CHERP: variants seen among roughly 807,000 people sequenced by gnomAD.
CHERP encodes the protein ERPROT 213-21.
Under a neutral mutation model 113.8 loss-of-function variants are expected in CHERP, and 8 were observed. The observed-to-expected ratio is 0.07, with a 90% CI of 0.04 to 0.13. The LOEUF is 0.13. CHERP is among the 10% of genes least tolerant of loss of function. The pLI is 1.00. For synonymous variants in CHERP, 559 were observed against 524.5 expected, an observed-to-expected ratio of 1.07 and a Z score of -0.90; for missense variants, 884 against 1,298.2, an observed-to-expected ratio of 0.68 and a Z score of 4.90.
At chr19:16,536,644 G>C (rs1377697833) in intron 2 of CHERP, among the ~76,000 whole-genome samples, 1 of 152,198 alleles carries the variant, frequency 6.6e-6, no homozygotes, top group African/African-American at 2.4e-5. Context: ...CACTGTCTGA[G>C]GGACACTGCT....
Position 16,519,151 on chromosome 19 carries a change from A to G in CHERP, c.*8T>C. On this transcript the variant is annotated 3_prime_UTR_variant, in exon 17 of 17. Coordinates refer to ENST00000546361, the MANE Select transcript of CHERP (RefSeq NM_006387.6). This position sits in a 1 kb window ranked among gnomAD's most constrained non-coding sequence, Gnocchi z 6.0. ...GCTGGCCACCGGCGCGGCTCCCGGC[A>G]TGGGCGCCTACTTACACTCGTCCCT... 6.2e-7 allele frequency: 1 copy of G among 1,610,444 alleles called. No individual in the cohort carries two copies.
chr19:16,518,504 C>T lies in CHERP; in HGVS notation c.*655G>A, dbSNP rs1297421274. ...ATAACTGAACTAAGGGCCAGTACGC[C>T]TTCGAAGAATTAGGTTTCAGAATCT... On this transcript the variant is annotated 3_prime_UTR_variant, in exon 17 of 17. Transcript: ENST00000546361. The T allele has an allele frequency of 6.6e-6, 1 of 152,220 alleles. No individual in the cohort carries two copies. The highest frequency in any genetic ancestry group is 1.9e-4 in the East Asian group (1 of 5,190). 9.4% of individuals were successfully genotyped at this position (152,220 alleles called of 1,614,324 possible).
intron 11 of CHERP, among the ~76,000 whole-genome samples, chr19:16,522,476 G>C (rs916471227): frequency 2.0e-5 from 3 of 152,134 alleles, no homozygotes; most frequent in Admixed American, 1.3e-4. Context: ...AGCCAGGATG[G>C]TCTCGATCTC....
At chr19:16,539,820 G>C (rs2085765922) in intron 2 of CHERP, 1 of 152,308 alleles carries the variant, frequency 6.6e-6, no homozygotes, top group Non-Finnish European at 1.5e-5. Context: ...CCCTTAGACA[G>C]TCGAGTGGTC....
chr19:16,519,042 C>T lies in CHERP; in HGVS notation c.*117G>A, dbSNP rs537190326. On this transcript the variant is annotated 3_prime_UTR_variant, in exon 17 of 17. Transcript: ENST00000546361. This position sits in a 1 kb window ranked among gnomAD's most constrained non-coding sequence, Gnocchi z 6.0. Reference sequence around the variant, plus strand: ...GTCTTCCTTCTCTTCCTGTGGCTCTCCACAAGTGGAGACGGTGTAAGAACT... The same window carrying T: ...GTCTTCCTTCTCTTCCTGTGGCTCTTCACAAGTGGAGACGGTGTAAGAACT... 2.2e-5 allele frequency: 21 copies of T among 955,070 alleles called. No individual in the cohort carries two copies. The African/African-American group carries it at 3.1e-4, about 14-fold the overall frequency. The allele number at this position is 955,070 out of a possible 1,614,324, so 59.2% of individuals were successfully genotyped here. A position where few individuals can be genotyped will look rare whatever the true frequency, so the allele number is the denominator to read the frequency against.
intron 2 of CHERP, among the ~76,000 whole-genome samples, chr19:16,538,455 T>C (rs1280848720): frequency 6.6e-6 from 1 of 152,080 alleles, no homozygotes; most frequent in Non-Finnish European, 1.5e-5. Context: ...GAAGCCAAGG[T>C]GGGCGGATCA....
chr19:16,531,480 T>C (rs1465709971), intron 5 of CHERP, among the ~76,000 whole-genome samples: 1 of 152,052 alleles, frequency 6.6e-6, no homozygotes, highest in Non-Finnish European at 1.5e-5. Context: ...CCCCTGCCGC[T>C]GCGCAGGGAG....
At chr19:16,529,606 G>C in intron 8 of CHERP, 42 bp downstream of exon 8, 2 of 1,527,216 alleles carry the variant, frequency 1.3e-6, no homozygotes, top group Admixed American at 3.9e-5. Flanking sequence ...AGCCTCTGGG[G>C]GCTGTTTCCT....
intron 2 of CHERP, among the ~76,000 whole-genome samples, chr19:16,538,330 G>C (rs573733872): frequency 7.2e-5 from 11 of 152,250 alleles, no homozygotes; most frequent in East Asian, 1.9e-4. Flanking sequence ...TTCTCCCCTT[G>C]TTTTCACCTG....
intron 8 of CHERP, among the ~76,000 whole-genome samples, chr19:16,528,514 C>A (rs1488464914): frequency 6.6e-6 from 1 of 152,214 alleles, no homozygotes; most frequent in East Asian, 1.9e-4. Context: ...TCTTGGTTTG[C>A]TGAAGAATTT....
At chr19:16,522,228 G>A (rs1422147498) in intron 11 of CHERP, among the ~76,000 whole-genome samples, 1 of 152,070 alleles carries the variant, frequency 6.6e-6, no homozygotes, top group Non-Finnish European at 1.5e-5. Context: ...GCATGCCCTT[G>A]GAGGCCCCAA....
chr19:16,526,888 T>C (rs2085660991), intron 9 of CHERP, among the ~76,000 whole-genome samples: 1 of 152,208 alleles, frequency 6.6e-6, no homozygotes, highest in African/African-American at 2.4e-5. Context: ...CAGACCACTG[T>C]GTAGCTGGGA....
At position 16,523,359 on chromosome 19, in the gene CHERP, G is replaced by A. The variant is rs2085634686; in HGVS notation, c.1742-69C>T. On this transcript the variant is annotated intron_variant, in intron 10 of 16. Transcript: ENST00000546361. This position sits in a 1 kb window ranked among gnomAD's most constrained non-coding sequence, Gnocchi z 4.0. ...TCTCCCAGGCGACAAGTGCTGGAGG[G>A]GAGGGGCTCAGTGAAGGGCCAGGAG... 1.9e-6 allele frequency: 3 copies of A among 1,574,324 alleles called. No individual in the cohort carries two copies. The highest frequency in any genetic ancestry group is 1.1e-5 in the South Asian group (1 of 87,946).
chr19:16,540,515 G>A (rs2085771610), intron 2 of CHERP, among the ~76,000 whole-genome samples: 1 of 151,920 alleles, frequency 6.6e-6, no homozygotes, highest in Non-Finnish European at 1.5e-5. Flanking sequence ...TGGGACTACA[G>A]GTGTGTGCCA....
chr19:16,539,358 A>G (rs2085762538), intron 2 of CHERP, among the ~76,000 whole-genome samples: 1 of 151,992 alleles, frequency 6.6e-6, no homozygotes, highest in South Asian at 2.1e-4. Context: ...CGTGTTAGCC[A>G]GGATGGTCTC....
chr19:16,538,813 T>C (rs2085758146), intron 2 of CHERP, among the ~76,000 whole-genome samples: 2 of 143,552 alleles, frequency 1.4e-5, no homozygotes, highest in African/African-American at 5.1e-5. Context: ...AAGCAGCCCT[T>C]AGCTCAGTCA....
Position 16,519,984 on chromosome 19 carries a change from C to G in CHERP, c.2462+165G>C, listed in dbSNP as rs538499530. The stretch of plus-strand genomic sequence containing the variant: ...AGCAGACCCCAGTTACTGCCTCAGG[C>G]TTCGCCAAGTGGCTACTGTGGTGAA... On this transcript the variant is annotated intron_variant, in intron 15 of 16. Coordinates refer to ENST00000546361, the MANE Select transcript of CHERP (RefSeq NM_006387.6). The surrounding 1 kb of genome is among the most constrained non-coding windows in gnomAD (Gnocchi z 6.0). The G allele has an allele frequency of 8.7e-5, 67 of 772,760 alleles. No individual in the cohort carries two copies. In the African/African-American group the frequency reaches 1.1e-3, roughly 13 times the overall value. The allele number at this position is 772,760 out of a possible 1,614,324, so 47.9% of individuals were successfully genotyped here.
At chr19:16,528,718 C>T (rs547382521) in intron 8 of CHERP, among the ~76,000 whole-genome samples, 1 of 152,328 alleles carries the variant, frequency 6.6e-6, no homozygotes, top group South Asian at 2.1e-4. Flanking sequence ...CTTTGGGAGG[C>T]TGAGGTGGGT....
Position 16,532,918 on chromosome 19 carries a change from T to C in CHERP, c.522+93A>G, listed in dbSNP as rs1262733063. ...CCAGGCGGGAGGGAAGGGCACCCAT[T>C]GTAACAGCCCTTAGCCCAGATTGGC... On this transcript the variant is annotated intron_variant, in intron 4 of 16. Coordinates refer to ENST00000546361, the MANE Select transcript of CHERP (RefSeq NM_006387.6). The surrounding 1 kb of genome is among the most constrained non-coding windows in gnomAD (Gnocchi z 4.4). 6.6e-7 allele frequency: 1 copy of C among 1,517,166 alleles called. No homozygotes were observed. Among genetic ancestry groups the C allele is most frequent in the Non-Finnish European group, 8.9e-7 (1 of 1,124,818 alleles). 94.0% of individuals were successfully genotyped at this position (1,517,166 alleles called of 1,614,324 possible). A position where few individuals can be genotyped will look rare whatever the true frequency, so the allele number is the denominator to read the frequency against.
Sources: allele counts gnomAD v4.1 joint callset (sites outside exome capture counted in the v4.1 genomes callset), GRCh38; gene constraint gnomAD v4.1.1; non-coding constraint Gnocchi (gnomAD v3.1); transcripts MANE v1.5; gene names NCBI Gene and HGNC (gene_info 2026-07-23, HGNC 2026-07-21).